RNFT2: variants seen among roughly 807,000 people sequenced by gnomAD.
The protein encoded by RNFT2 is ring finger protein, transmembrane 2.
RNFT2 carries 36 observed loss-of-function variants against 53.0 expected under a neutral mutation model. The observed-to-expected ratio is 0.68, with a 90% confidence interval of 0.52 to 0.90. The LOEUF is 0.90. RNFT2 is among the 40% of genes least tolerant of loss of function. The probability of loss-of-function intolerance (pLI) is 0.00; values close to 1 mark genes in which losing one functional copy is unlikely to be tolerated. For synonymous variants in RNFT2, 260 were observed against 253.2 expected (o/e 1.03, Z -0.26); for missense variants, 514 against 585.6 (o/e 0.88, Z 1.26).
intron 7 of RNFT2, among the ~76,000 whole-genome samples, chr12:116,822,127 G>A (rs1359528451): frequency 2.6e-5 from 4 of 152,034 alleles, no homozygotes; most frequent in Non-Finnish European, 5.9e-5. Flanking sequence ...GAGCCACCCT[G>A]CCTGGCCAAC....
At chr12:116,750,849 A>AT in intron 4 of RNFT2, among the ~76,000 whole-genome samples, 3 of 1,978 alleles carry the variant, frequency 1.5e-3, no homozygotes, top group African/African-American at 7.9e-3. Context: ...TTATATATAT[A>AT]TAATATATAT....
rs1188085688 is a variant in RNFT2, at chr12:116,796,473, G to C, written c.882+17125G>C. On this transcript the variant is annotated intron_variant, in intron 7 of 10. Coordinates refer to ENST00000257575, the MANE Select transcript of RNFT2 (RefSeq NM_001382266.1). ...AATCCCTGGACAAGAGGTTCCAGTA[G>C]GGTGAGATTCCATAGGCTCTCAATC... is the stretch of plus-strand genomic sequence containing the variant. 2.6e-5 allele frequency among the ~76,000 whole-genome samples: 4 copies of C among 152,176 alleles called. No homozygotes were observed. The East Asian group carries it at 7.7e-4, about 29-fold the overall frequency.
chr12:116,840,627 C>T (rs917963067), intron 10 of RNFT2, among the ~76,000 whole-genome samples: 1 of 152,192 alleles, frequency 6.6e-6, no homozygotes, highest in African/African-American at 2.4e-5. Flanking sequence ...GTCATCTATG[C>T]TTTGAGGGCT....
At chr12:116,774,557 G>C (rs1592950767) in intron 6 of RNFT2, among the ~76,000 whole-genome samples, 1 of 152,228 alleles carries the variant, frequency 6.6e-6, no homozygotes, top group East Asian at 1.9e-4. Flanking sequence ...TGGATGGTTG[G>C]GGGTAGGGTT....
intron 10 of RNFT2, among the ~76,000 whole-genome samples, chr12:116,847,782 C>G (rs1352076978): frequency 6.6e-6 from 1 of 152,154 alleles, no homozygotes; most frequent in African/African-American, 2.4e-5. Context: ...CCACCTCAGC[C>G]TCCCAAACTG....
At position 116,826,299 on chromosome 12, in the gene RNFT2, C is replaced by G. The variant is rs112505687; in HGVS notation, c.883-7493C>G. Among the ~76,000 whole-genome samples, 1,195 of 152,104 alleles carry G rather than the reference C, an allele frequency of 7.9e-3. 14 individuals carry two copies. Among genetic ancestry groups the G allele is most frequent in the African/African-American group, 0.027 (1,107 of 41,500 alleles). ...TAGAATCCGCCTTCCCAACTTGACA[C>G]TCCCACCCCCTTTATCTGAATCCAA... On this transcript the variant is annotated intron_variant, in intron 7 of 10. Coordinates refer to ENST00000257575, the MANE Select transcript of RNFT2 (RefSeq NM_001382266.1).
intron 7 of RNFT2, among the ~76,000 whole-genome samples, chr12:116,800,585 GATAATGC>G (rs1410474810): frequency 3.3e-5 from 5 of 151,452 alleles, no homozygotes; most frequent in African/African-American, 4.9e-5. Flanking sequence ...AGTGAGCCGA[GATAATGC>G]CACTGCCCTC....
At chr12:116,801,269 G>A (rs1220049593) in intron 7 of RNFT2, 1 of 152,228 alleles carries the variant, frequency 6.6e-6, no homozygotes, top group African/African-American at 2.4e-5. Flanking sequence ...GAGAAAGCCA[G>A]TGAGATACTA....
At chr12:116,744,615 G>A (rs1056584049) in intron 3 of RNFT2, among the ~76,000 whole-genome samples, 2 of 152,168 alleles carry the variant, frequency 1.3e-5, no homozygotes, top group Non-Finnish European at 2.9e-5. Flanking sequence ...TGGCTGCCTA[G>A]TGTCTGAGCA....
chr12:116,797,342 T>C (rs979660269), intron 7 of RNFT2, among the ~76,000 whole-genome samples: 1 of 152,106 alleles, frequency 6.6e-6, no homozygotes, highest in Non-Finnish European at 1.5e-5. Context: ...GGTGGATCAC[T>C]TGAGGTCAGA....
At chr12:116,835,344 G>C (rs112197019) in intron 8 of RNFT2, among the ~76,000 whole-genome samples, 5 of 152,162 alleles carry the variant, frequency 3.3e-5, no homozygotes. Flanking sequence ...AATAGTATCC[G>C]TGTTAAATTG....
intron 3 of RNFT2, among the ~76,000 whole-genome samples, chr12:116,745,202 T>G (rs1485388878): frequency 1.6e-5 from 2 of 127,740 alleles, no homozygotes; most frequent in African/African-American, 3.0e-5. Flanking sequence ...TGAGATAGAG[T>G]CTCACTGTGT....
intron 6 of RNFT2, among the ~76,000 whole-genome samples, chr12:116,778,434 G>T (rs1566078395): frequency 6.6e-6 from 1 of 152,304 alleles, no homozygotes; most frequent in East Asian, 1.9e-4. Flanking sequence ...CGCCCCTGGG[G>T]TTTTGTCTGC....
At chr12:116,797,763 G>A (rs1014538270) in intron 7 of RNFT2, among the ~76,000 whole-genome samples, 1 of 152,178 alleles carries the variant, frequency 6.6e-6, no homozygotes, top group Admixed American at 6.5e-5. Context: ...TGCCCCATAG[G>A]CAGAGAGTAG....
chr12:116,782,379 T>C (rs551528166), intron 7 of RNFT2, among the ~76,000 whole-genome samples: 3 of 151,708 alleles, frequency 2.0e-5, no homozygotes, highest in East Asian at 3.9e-4. Flanking sequence ...TTTAAAAAAT[T>C]AGCTGAGTGT....
chr12:116,835,445 C>T (rs1876910825), intron 8 of RNFT2, among the ~76,000 whole-genome samples: 1 of 152,226 alleles, frequency 6.6e-6, no homozygotes, highest in Non-Finnish European at 1.5e-5. Context: ...AAAATCCATA[C>T]ATCCTTCTCT....
intron 7 of RNFT2, among the ~76,000 whole-genome samples, chr12:116,829,288 T>C (rs929873562): frequency 7.2e-5 from 11 of 152,122 alleles, no homozygotes; most frequent in Admixed American, 2.0e-4. Flanking sequence ...CATGCCCTTG[T>C]CCATGTAAAA....
rs1877813230 is a variant in RNFT2, at chr12:116,849,679, A to G, written c.*231A>G. On this transcript the variant is annotated 3_prime_UTR_variant, in exon 11 of 11. Coordinates refer to ENST00000257575, the MANE Select transcript of RNFT2 (RefSeq NM_001382266.1). ...CCCCTGCAAAAGGGGACGTCTTCCT[A>G]ACTCAGACTTGATGCCCTTCTAGAT... The G allele has an allele frequency of 7.1e-6, 9 of 1,263,772 alleles. No individual in the cohort carries two copies. In the Admixed American group the frequency reaches 1.1e-4, roughly 15 times the overall value. 78.3% of individuals were successfully genotyped at this position (1,263,772 alleles called of 1,614,324 possible). A position where few individuals can be genotyped will look rare whatever the true frequency, so the allele number is the denominator to read the frequency against.
chr12:116,808,313 C>T (rs1875186306), intron 7 of RNFT2, among the ~76,000 whole-genome samples: 1 of 152,136 alleles, frequency 6.6e-6, no homozygotes, highest in South Asian at 2.1e-4. Flanking sequence ...TGGTGTTGAA[C>T]TCCTGGCCTC....
Sources: gnomAD v4.1 joint callset for allele counts (sites outside exome capture counted in the v4.1 genomes callset) on GRCh38, gnomAD v4.1.1 for gene constraint, MANE v1.5 for transcripts, NCBI Gene and HGNC (gene_info 2026-07-23, HGNC 2026-07-21) for gene names.